The following ARHGEF4 variants were observed in gnomAD, a reference collection of about 807,000 sequenced individuals.
ARHGEF4 encodes Rho guanine nucleotide exchange factor 4, also known as APC-stimulated guanine nucleotide exchange factor 1.
ARHGEF4 carries 119 observed loss-of-function variants against 162.0 expected under a neutral mutation model. The ratio of observed to expected loss-of-function variants is 0.73; its 90% CI spans 0.63 to 0.86. The LOEUF (loss-of-function observed/expected upper bound fraction) is 0.86, where lower values mean the gene tolerates loss of function less well. Ranked by LOEUF, ARHGEF4 falls within the 40% of genes least tolerant of loss-of-function variation. The probability of loss-of-function intolerance (pLI) is 0.00; values close to 1 mark genes in which losing one functional copy is unlikely to be tolerated. For missense variants in ARHGEF4, 2,488 were observed against 2,456.0 expected, an observed-to-expected ratio of 1.01 and a Z score of -0.28; for synonymous variants, 1,014 against 979.9, an observed-to-expected ratio of 1.03 and a Z score of -0.65.
intron 1 of ARHGEF4, among the ~76,000 whole-genome samples, chr2:130,844,330 T>C (rs1319877938): frequency 1.3e-5 from 2 of 152,204 alleles, no homozygotes; most frequent in East Asian, 3.9e-4. Flanking sequence ...TGGTGCTGCC[T>C]GTGAGGCCCT....
intron 4 of ARHGEF4, among the ~76,000 whole-genome samples, chr2:131,024,543 G>C (rs1402989673): frequency 6.6e-6 from 1 of 152,180 alleles, no homozygotes; most frequent in Non-Finnish European, 1.5e-5. Flanking sequence ...CCAAAGTGCT[G>C]GGATTGCAGG....
intron 5 of ARHGEF4, among the ~76,000 whole-genome samples, chr2:131,028,785 G>A (rs1356101713): frequency 6.6e-6 from 1 of 152,200 alleles, no homozygotes; most frequent in African/African-American, 2.4e-5. Flanking sequence ...ACCAGCACAA[G>A]CACATGCCCA....
chr2:131,028,122 C>T, intron 5 of ARHGEF4, 38 bp downstream of exon 5: 2 of 1,609,284 alleles, frequency 1.2e-6, no homozygotes, highest in Non-Finnish European at 1.7e-6. Context: ...GAGGGACAGG[C>T]TGGGGCTACA....
chr2:130,917,164 G>C lies in ARHGEF4; in HGVS notation c.3218G>C (p.Ser1073Thr). 1.3e-6 allele frequency: 2 copies of C among 1,550,506 alleles called. No homozygotes were observed. Among genetic ancestry groups the C allele is most frequent in the African/African-American group, 1.4e-5 (1 of 73,150 alleles). The part of the protein sequence containing the change: ...QAGIAHTLPS[S>T]SACCLAYENP... The stretch of plus-strand genomic sequence containing the variant: ...GGAATCGCACACACCCTGCCTTCCA[G>C]CTCTGCCTGCTGCCTGGCATATGAA... The change falls in exon 2 of 14, where the codon AGC (serine) becomes ACC (threonine). Residue 1073 changes from serine (S) to threonine (T), a missense_variant. By Grantham distance (58) the Ser-to-Thr change is moderately conservative. This residue lies in a region of ARHGEF4 where 1,642 missense variants were observed against 1,481.5 expected (regional missense o/e 1.11). Coordinates refer to ENST00000409359, the MANE Select transcript of ARHGEF4 (RefSeq NM_001367493.1).
chr2:130,980,348 A>G (rs1489141712), intron 4 of ARHGEF4, among the ~76,000 whole-genome samples: 1 of 151,292 alleles, frequency 6.6e-6, no homozygotes, highest in Non-Finnish European at 1.5e-5. Context: ...GTGAGCCAAG[A>G]TCATGCCATC....
intron 4 of ARHGEF4, among the ~76,000 whole-genome samples, chr2:131,008,479 A>C (rs1222101515): frequency 6.6e-6 from 1 of 152,208 alleles, no homozygotes; most frequent in African/African-American, 2.4e-5. Flanking sequence ...CATTACCATC[A>C]CAACAGTCTC....
chr2:130,923,066 G>A (rs1369779586), intron 2 of ARHGEF4, among the ~76,000 whole-genome samples: 1 of 152,006 alleles, frequency 6.6e-6, no homozygotes, highest in East Asian at 1.9e-4. Context: ...AAGTAGCTGG[G>A]ACTACAGGCG....
At chr2:130,949,101 G>A (rs528876355) in intron 4 of ARHGEF4, among the ~76,000 whole-genome samples, 3 of 152,146 alleles carry the variant, frequency 2.0e-5, no homozygotes, top group Admixed American at 2.0e-4. Context: ...TTCATCTTCT[G>A]CTTTGTTTTC....
At chr2:130,983,371 T>C (rs942800447) in intron 4 of ARHGEF4, among the ~76,000 whole-genome samples, 4 of 152,222 alleles carry the variant, frequency 2.6e-5, no homozygotes, top group African/African-American at 7.2e-5. Context: ...GTCTGACTTA[T>C]CAAAAAATTT....
chr2:131,037,892 A>G (rs1018228281), intron 5 of ARHGEF4, among the ~76,000 whole-genome samples: 1 of 152,204 alleles, frequency 6.6e-6, no homozygotes, highest in African/African-American at 2.4e-5. Flanking sequence ...CCTGTCACAG[A>G]GGTAGCAGCT....
Position 130,916,843 on chromosome 2 carries a change from A to C in ARHGEF4, c.2897A>C (p.Lys966Thr). Reference protein sequence around the residue: ...LKSKDAGSPKKPTLVSLPLGP... With the variant: ...LKSKDAGSPKTPTLVSLPLGP... ...AGCAAAGATGCCGGAAGCCCCAAAA[A>C]GCCCACCCTAGTGAGTCTGCCTCTA... is the stretch of plus-strand genomic sequence containing the variant. Residue 966 changes from lysine (K) to threonine (T), a missense_variant, in exon 2 of 14, where the codon AAG becomes ACG. Lys to Thr is a moderately conservative substitution (Grantham distance 78, BLOSUM62 -1). Around this residue, in one of 6 missense-constraint regions of ARHGEF4, gnomAD observed 1,642 missense variants for 1,481.5 expected, o/e 1.11. Transcript: ENST00000409359. 2 of 1,550,436 alleles carry C rather than the reference A, an allele frequency of 1.3e-6. No homozygotes were observed. The highest frequency in any genetic ancestry group is 1.7e-6 in the Non-Finnish European group (2 of 1,146,968).
chr2:130,843,931 A>C (rs1365879032), intron 1 of ARHGEF4, among the ~76,000 whole-genome samples: 5 of 152,166 alleles, frequency 3.3e-5, no homozygotes, highest in Non-Finnish European at 7.4e-5. Context: ...GGTGGAGCAC[A>C]GCCCTGCTCT....
intron 1 of ARHGEF4, among the ~76,000 whole-genome samples, chr2:130,898,877 C>A (rs921370929): frequency 3.3e-5 from 5 of 152,136 alleles, no homozygotes; most frequent in African/African-American, 1.2e-4. Context: ...GACGGCCTGG[C>A]TGCAGTGCAC....
At chr2:130,887,466 C>T (rs1679591390) in intron 1 of ARHGEF4, among the ~76,000 whole-genome samples, 1 of 152,108 alleles carries the variant, frequency 6.6e-6, no homozygotes, top group South Asian at 2.1e-4. Context: ...TCCATGTCAT[C>T]TAACTGCTCA....
intron 1 of ARHGEF4, among the ~76,000 whole-genome samples, chr2:130,894,397 T>C (rs1001716103): frequency 1.3e-5 from 2 of 151,964 alleles, no homozygotes; most frequent in African/African-American, 4.8e-5. Flanking sequence ...ACAAGGACTG[T>C]TGAAGAGTTC....
intron 5 of ARHGEF4, among the ~76,000 whole-genome samples, chr2:131,031,397 G>A (rs776339418): frequency 2.0e-5 from 3 of 152,212 alleles, no homozygotes; most frequent in Admixed American, 6.5e-5. Context: ...GTGTGTGCAC[G>A]TGCTGTACAT....
intron 1 of ARHGEF4, among the ~76,000 whole-genome samples, chr2:130,884,226 A>G (rs776333468): frequency 2.8e-5 from 4 of 143,680 alleles, no homozygotes; most frequent in Middle Eastern, 3.4e-3. Flanking sequence ...CAGAAACTCA[A>G]TTTATACACA....
chr2:130,856,456 T>G (rs1681793836), intron 1 of ARHGEF4, among the ~76,000 whole-genome samples: 1 of 152,246 alleles, frequency 6.6e-6, no homozygotes, highest in Admixed American at 6.5e-5. Context: ...AATTTGTTGC[T>G]AGCAGATTTG....
intron 5 of ARHGEF4, among the ~76,000 whole-genome samples, chr2:131,034,279 C>G (rs189406608): frequency 6.6e-6 from 1 of 152,212 alleles, no homozygotes; most frequent in East Asian, 1.9e-4. Flanking sequence ...CCCCTGCAGT[C>G]TTCTTATCTC....
Sources: gnomAD v4.1 joint callset for allele counts (sites outside exome capture counted in the v4.1 genomes callset) on GRCh38, gnomAD v4.1.1 for gene constraint, gnomAD v4.1.1 regional missense constraint, MANE v1.5 for transcripts, NCBI Gene and HGNC (gene_info 2026-07-23, HGNC 2026-07-21) for gene names.